The following ABCC6 variants were observed in gnomAD, a reference collection of about 807,000 sequenced individuals.
ABCC6 encodes the protein ATP binding cassette subfamily C member 6.
Under a neutral mutation model 169.5 loss-of-function variants are expected in ABCC6, and 126 were observed. The observed-to-expected ratio is 0.74, with a 90% CI of 0.64 to 0.86. ABCC6 has a LOEUF of 0.86. Ranked by LOEUF, ABCC6 falls within the 40% of genes least tolerant of loss-of-function variation. The probability of loss-of-function intolerance (pLI) is 0.00; values close to 1 mark genes in which losing one functional copy is unlikely to be tolerated. For missense variants in ABCC6, 1,733 were observed against 1,927.2 expected (o/e 0.90, Z 1.89); for synonymous variants, 752 against 814.7 (o/e 0.92, Z 1.31).
In ABCC6 at chr16:16,194,674, A is replaced by T. The variant is rs568899320; in HGVS notation, c.1339-1752T>A. ...TCCCGTCTCAGTCCTTAGGAACACT[A>T]TGTTTATTTATTTATTTATTTGTTT... On this transcript the variant is annotated intron_variant, in intron 10 of 30. Transcript: ENST00000205557. Among the ~76,000 whole-genome samples the T allele has an allele frequency of 1.0e-3, 153 of 152,068 alleles. 1 individual carries two copies. Among genetic ancestry groups the T allele is most frequent in the South Asian group, 1.9e-3 (9 of 4,816 alleles).
At chr16:16,209,366 G>A (rs1400503015) in intron 6 of ABCC6, among the ~76,000 whole-genome samples, 2 of 151,990 alleles carry the variant, frequency 1.3e-5, no homozygotes, top group African/African-American at 2.4e-5. Context: ...TTACAGGCAT[G>A]AGCCACCACA....
At position 16,154,369 on chromosome 16, in the gene ABCC6, C is replaced by T. The variant is rs189554450; in HGVS notation, c.4208+259G>A. On this transcript the variant is annotated intron_variant, in intron 29 of 30. Coordinates refer to ENST00000205557, the MANE Select transcript of ABCC6 (RefSeq NM_001171.6). ...AAATACTGAGCAAGAGCAATAAAGG[C>T]TATCAGTAGCCCTGTGTCAGTTGAG... Among the ~76,000 whole-genome samples, 444 of 152,290 alleles carry T rather than the reference C, an allele frequency of 2.9e-3. 5 individuals are homozygous for T. The highest frequency in any genetic ancestry group is 2.3e-3 in the Non-Finnish European group (156 of 68,028).
intron 12 of ABCC6, 116 bp from the exon 13 acceptor site, chr16:16,189,090 G>T: frequency 1.6e-6 from 2 of 1,236,558 alleles, no homozygotes; most frequent in Non-Finnish European, 2.3e-6. Context: ...ATGTCCGCAT[G>T]TGCTTCCCTC....
intron 14 of ABCC6, among the ~76,000 whole-genome samples, chr16:16,186,001 C>T (rs753000070): frequency 1.3e-5 from 2 of 152,142 alleles, no homozygotes; most frequent in Non-Finnish European, 2.9e-5. Context: ...GATGGGAACA[C>T]GGAAGCTCAG....
rs765788750 is a variant in ABCC6, at chr16:16,192,810, C to G, written c.1431+20G>C. On this transcript the variant is annotated intron_variant, in intron 11 of 30. Transcript: ENST00000205557. ...CCTCCCTACTTCCTGCCTGGTCCGT[C>G]CCTTTCCCAAAAGCCAAACCTGATG... 3.1e-6 allele frequency: 5 copies of G among 1,605,960 alleles called. No individual in the cohort carries two copies. In the East Asian group the frequency reaches 1.1e-4, roughly 36 times the overall value.
rs965791272 is a variant in ABCC6 at position 16,155,041 on chromosome 16, G to A, written c.3883-10C>T. The A allele has an allele frequency of 6.4e-7, 1 of 1,550,574 alleles. No homozygotes were observed. On this transcript the variant is annotated splice_polypyrimidine_tract_variant and intron_variant, in intron 27 of 30. Coordinates refer to ENST00000205557, the MANE Select transcript of ABCC6 (RefSeq NM_001171.6). ...TGCCAACGATGCCCACCTGCCCGGG[G>A]TTGGGAGGAAAGGCCTGCTCTGACC...
chr16:16,164,641 G>A lies in ABCC6; in HGVS notation c.3306+982C>T, dbSNP rs2046822883. ...GCTAGTGGCCATAAGACCTGCCCTG[G>A]AAAGAGAGCGTGTACAAAATTAGAC... On this transcript the variant is annotated intron_variant, in intron 23 of 30. Transcript: ENST00000205557. Among the ~76,000 whole-genome samples the A allele has an allele frequency of 2.0e-5, 3 of 152,208 alleles. No homozygotes were observed. In the South Asian group the frequency reaches 6.2e-4, roughly 32 times the overall value.
intron 29 of ABCC6, 35 bp from the exon 30 acceptor site, chr16:16,150,807 G>A (rs778992976): frequency 5.5e-5 from 88 of 1,606,140 alleles, no homozygotes; most frequent in Admixed American, 1.0e-4. Flanking sequence ...TGGGACGTGC[G>A]TTTGTCGGCA....
chr16:16,153,067 G>A (rs1447039791), intron 29 of ABCC6, among the ~76,000 whole-genome samples: 1 of 152,074 alleles, frequency 6.6e-6, no homozygotes, highest in Non-Finnish European at 1.5e-5. Context: ...GCCACACCCA[G>A]CTAATTTTTG....
intron 7 of ABCC6, among the ~76,000 whole-genome samples, chr16:16,206,352 C>T (rs1159296427): frequency 3.3e-5 from 5 of 152,082 alleles, no homozygotes; most frequent in Admixed American, 2.0e-4. Flanking sequence ...AGGCCGGGCA[C>T]GGTGGCTCAC....
At chr16:16,205,603 A>G (rs2048370454) in intron 7 of ABCC6, among the ~76,000 whole-genome samples, 1 of 152,028 alleles carries the variant, frequency 6.6e-6, no homozygotes, top group South Asian at 2.1e-4. Flanking sequence ...ATATTTTGGC[A>G]TTTGGATCTC....
At chr16:16,173,006 C>T (rs868393325) in intron 21 of ABCC6, 20 of 479,954 alleles carry the variant, frequency 4.2e-5, no homozygotes, top group Admixed American at 2.0e-4. Flanking sequence ...TACATCACTG[C>T]GGTCCAGCCT....
chr16:16,208,623 C>T (rs1249381063), intron 7 of ABCC6, 105 bp downstream of exon 7: 27 of 1,582,586 alleles, frequency 1.7e-5, no homozygotes, highest in East Asian at 2.3e-5. Flanking sequence ...CCGCCTGCCT[C>T]GGCCTCCCAA....
chr16:16,192,079 G>C (rs765604880), intron 11 of ABCC6, among the ~76,000 whole-genome samples: 5 of 152,186 alleles, frequency 3.3e-5, no homozygotes, highest in Non-Finnish European at 7.3e-5. Flanking sequence ...AGGGATGGAC[G>C]TGCCATTTCC....
chr16:16,187,022 C>A, intron 14 of ABCC6, 102 bp downstream of exon 14: 1 of 1,020,938 alleles, frequency 9.8e-7, no homozygotes, highest in African/African-American at 1.6e-5. Context: ...GCCCGCAGCC[C>A]CCATCTCCCC....
At chr16:16,163,377 G>A (rs749975164) in intron 23 of ABCC6, among the ~76,000 whole-genome samples, 185 bp from the exon 24 acceptor site, 1 of 152,090 alleles carries the variant, frequency 6.6e-6, no homozygotes, top group Non-Finnish European at 1.5e-5. Context: ...AGAGTTCTAT[G>A]GTTTTTTTGA....
At chr16:16,214,674 G>A (rs1318743598) in intron 4 of ABCC6, among the ~76,000 whole-genome samples, 1 of 151,860 alleles carries the variant, frequency 6.6e-6, no homozygotes, top group Admixed American at 6.6e-5. Flanking sequence ...GCATGATCTC[G>A]GCTCCCTGCA....
At position 16,177,340 on chromosome 16, in the gene ABCC6, G is replaced by A. The variant is rs562501697; in HGVS notation, c.2590+112C>T. ...GCTGTCTGCTTCCAGGCCTAGGCCT[G>A]CAGACAGGGTGTGGCCAGAGCACTC... On this transcript the variant is annotated intron_variant, in intron 19 of 30. Transcript: ENST00000205557. 305 of 1,255,926 alleles carry A rather than the reference G, an allele frequency of 2.4e-4. 1 individual carries two copies. Among genetic ancestry groups the A allele is most frequent in the East Asian group, 1.0e-3 (45 of 43,190 alleles). 77.8% of individuals were successfully genotyped at this position (1,255,926 alleles called of 1,614,324 possible).
chr16:16,158,010 CTATTT>C (rs1190209393), intron 26 of ABCC6, among the ~76,000 whole-genome samples: 1 of 152,134 alleles, frequency 6.6e-6, no homozygotes, highest in Non-Finnish European at 1.5e-5. Context: ...TACTTTTAGT[CTATTT>C]TATTGTTATT....
Sources: gnomAD v4.1 joint callset for allele counts (sites outside exome capture counted in the v4.1 genomes callset) on GRCh38, gnomAD v4.1.1 for gene constraint, MANE v1.5 for transcripts, NCBI Gene and HGNC (gene_info 2026-07-23, HGNC 2026-07-21) for gene names.